ZEB1: variants seen among roughly 807,000 people sequenced by gnomAD.
The protein encoded by ZEB1 is zinc finger E-box binding homeobox 1.
In ZEB1, 21 loss-of-function variants were observed where a neutral mutation model predicts 84.9. The ratio of observed to expected loss-of-function variants is 0.25; its 90% CI spans 0.18 to 0.36. The LOEUF is 0.36. ZEB1 is among the 10% of genes least tolerant of loss of function. ZEB1 has a pLI of 1.00. For missense variants in ZEB1, 1,104 were observed against 1,330.2 expected, an observed-to-expected ratio of 0.83 and a Z score of 2.65; for synonymous variants, 420 against 471.1, an observed-to-expected ratio of 0.89 and a Z score of 1.41.
In ZEB1 at chr10:31,527,120, A is replaced by G. The variant is rs1342495386; in HGVS notation, c.3234A>G (p.Val1078=). The G allele has an allele frequency of 1.2e-6, 2 of 1,605,290 alleles. No homozygotes were observed. Among genetic ancestry groups the G allele is most frequent in the Non-Finnish European group, 1.7e-6 (2 of 1,175,524 alleles). ...EEEEEVEEEE[V]EEAENEGEEA... is the part of the protein sequence containing the mutation. ...AGGAAGAAGTGGAAGAAGAAGAGGT[A>G]GAAGAGGCAGAGAATGAGGGAGAAG... Residue 1078 remains valine, a synonymous_variant, in exon 9 of 9, where the codon GTA becomes GTG. Coordinates refer to ENST00000424869, the MANE Select transcript of ZEB1 (RefSeq NM_001174096.2).
intron 1 of ZEB1, among the ~76,000 whole-genome samples, chr10:31,335,191 A>T (rs375779758): frequency 9.2e-5 from 14 of 152,134 alleles, no homozygotes; most frequent in African/African-American, 3.1e-4. Flanking sequence ...ATAAAAATTC[A>T]TATGTTTTAA....
At chr10:31,332,826 A>C (rs1252968339) in intron 1 of ZEB1, among the ~76,000 whole-genome samples, 1 of 152,148 alleles carries the variant, frequency 6.6e-6, no homozygotes, top group Non-Finnish European at 1.5e-5. Context: ...AACATTTCAC[A>C]TGTGATCTAC....
rs1336098487 is a variant in ZEB1, at chr10:31,526,922, G to A, written c.3036G>A (p.Val1012=). The change falls in exon 9 of 9, where the codon GTG becomes GTA. Residue 1012 remains valine, a synonymous_variant. Coordinates refer to ENST00000424869, the MANE Select transcript of ZEB1 (RefSeq NM_001174096.2). ...AGPEILSNEH[V]GARASPSQGD... The stretch of plus-strand genomic sequence containing the variant: ...CTGAAATCCTCTCGAATGAGCACGT[G>A]GGTGCCAGGGCGTCTCCCTCACAGG... 1.2e-6 allele frequency: 2 copies of A among 1,614,002 alleles called. No homozygotes were observed. The highest frequency in any genetic ancestry group is 2.7e-5 in the African/African-American group (2 of 74,934).
At chr10:31,453,297 C>G (rs2060821289) in intron 1 of ZEB1, among the ~76,000 whole-genome samples, 2 of 152,186 alleles carry the variant, frequency 1.3e-5, no homozygotes, top group Non-Finnish European at 2.9e-5. Flanking sequence ...GAATTGAAGC[C>G]CTCAAAGTTA....
chr10:31,326,256 T>C (rs1350731779), intron 1 of ZEB1, among the ~76,000 whole-genome samples: 2 of 152,124 alleles, frequency 1.3e-5, no homozygotes. Context: ...GAACCTGGGC[T>C]CAGGGTAACC....
intron 1 of ZEB1, among the ~76,000 whole-genome samples, chr10:31,437,368 T>C (rs1313816423): frequency 6.6e-6 from 1 of 152,210 alleles, no homozygotes; most frequent in African/African-American, 2.4e-5. Context: ...AGGAACTAAA[T>C]TATTCATTCT....
chr10:31,459,043 T>C (rs183105289), intron 1 of ZEB1, among the ~76,000 whole-genome samples: 3 of 152,258 alleles, frequency 2.0e-5, no homozygotes, highest in Admixed American at 6.5e-5. Flanking sequence ...GCAACACTTA[T>C]AGCTTACAGT....
At position 31,527,445 on chromosome 10, in the gene ZEB1, AC is replaced by A; in HGVS notation, c.*182del. ...CACACACACACACACACACACACAC[AC>A]ACACACAAAATAAATCCGGGTGTGC... On this transcript the variant is annotated 3_prime_UTR_variant, in exon 9 of 9. Coordinates refer to ENST00000424869, the MANE Select transcript of ZEB1 (RefSeq NM_001174096.2). The A allele has an allele frequency of 5.3e-6, 4 of 750,476 alleles. No homozygotes were observed. Among genetic ancestry groups the A allele is most frequent in the Non-Finnish European group, 8.3e-6 (4 of 480,386 alleles). The allele number at this position is 750,476 out of a possible 1,614,324, so 46.5% of individuals were successfully genotyped here. A position where few individuals can be genotyped will look rare whatever the true frequency, so the allele number is the denominator to read the frequency against.
At chr10:31,434,444 A>G (rs897391410) in intron 1 of ZEB1, among the ~76,000 whole-genome samples, 2 of 152,238 alleles carry the variant, frequency 1.3e-5, no homozygotes, top group African/African-American at 4.8e-5. Flanking sequence ...ACATATCTTC[A>G]GATGCTTAAC....
chr10:31,379,712 T>C (rs1189829969), intron 1 of ZEB1, among the ~76,000 whole-genome samples: 3 of 129,444 alleles, frequency 2.3e-5, no homozygotes, highest in Non-Finnish European at 3.0e-5. Flanking sequence ...AAGGCTTGAA[T>C]TAAAAAAAAA....
intron 1 of ZEB1, among the ~76,000 whole-genome samples, chr10:31,447,398 A>G (rs1210976210): frequency 7.8e-6 from 1 of 127,492 alleles, no homozygotes; most frequent in African/African-American, 3.0e-5. Flanking sequence ...TTAATTGGAG[A>G]ATTTAGTCCA....
At chr10:31,372,373 T>C (rs1247682833) in intron 1 of ZEB1, among the ~76,000 whole-genome samples, 3 of 152,166 alleles carry the variant, frequency 2.0e-5, no homozygotes, top group Admixed American at 2.0e-4. Flanking sequence ...CAAAACAGAC[T>C]GTACAACCCA....
chr10:31,430,336 T>C (rs962988878), intron 1 of ZEB1, among the ~76,000 whole-genome samples: 9 of 152,146 alleles, frequency 5.9e-5, no homozygotes, highest in Admixed American at 5.2e-4. Context: ...TTTATATAAA[T>C]TGCTCATTCA....
chr10:31,321,340 A>G, intron 1 of ZEB1: 1 of 1,460,714 alleles, frequency 6.8e-7, no homozygotes, highest in South Asian at 1.5e-5. Context: ...TTATTCAAAT[A>G]AACACTTGCA....
intron 1 of ZEB1, among the ~76,000 whole-genome samples, chr10:31,351,502 T>C (rs1258465495): frequency 1.3e-5 from 2 of 152,162 alleles, no homozygotes; most frequent in South Asian, 2.1e-4. Flanking sequence ...TAGGTATTTA[T>C]GTGGACTTCC....
chr10:31,361,689 G>A (rs1287374873), intron 1 of ZEB1, among the ~76,000 whole-genome samples: 1 of 151,958 alleles, frequency 6.6e-6, no homozygotes, highest in Non-Finnish European at 1.5e-5. Flanking sequence ...GCGGCGGCTG[G>A]GCAGGGGCGC....
intron 1 of ZEB1, among the ~76,000 whole-genome samples, chr10:31,434,719 A>G (rs1198082317): frequency 6.6e-6 from 1 of 152,220 alleles, no homozygotes; most frequent in Non-Finnish European, 1.5e-5. Context: ...AACATAATGT[A>G]AACATGAAGG....
rs550661776 is a variant in ZEB1 at position 31,325,852 on chromosome 10, A to G, written c.58+6560A>G. Among the ~76,000 whole-genome samples the G allele has an allele frequency of 2.0e-5, 3 of 151,662 alleles. No individual in the cohort carries two copies. In the South Asian group the frequency reaches 6.2e-4, roughly 31 times the overall value. Reference sequence around the variant, plus strand: ...TCTTTTAATAAAATATGACACCATTATTTATATATCTGTTACTATTCATGC... The same window carrying G: ...TCTTTTAATAAAATATGACACCATTGTTTATATATCTGTTACTATTCATGC... On this transcript the variant is annotated intron_variant, in intron 1 of 8. Coordinates refer to ENST00000424869, the MANE Select transcript of ZEB1 (RefSeq NM_001174096.2).
At chr10:31,332,437 T>A (rs1039118344) in intron 1 of ZEB1, among the ~76,000 whole-genome samples, 1 of 152,250 alleles carries the variant, frequency 6.6e-6, no homozygotes, top group Admixed American at 6.5e-5. Context: ...AAAATACTCT[T>A]CATTCACTAT....
Sources: allele counts gnomAD v4.1 joint callset (sites outside exome capture counted in the v4.1 genomes callset), GRCh38; gene constraint gnomAD v4.1.1; transcripts MANE v1.5; gene names NCBI Gene and HGNC (gene_info 2026-07-23, HGNC 2026-07-21).